CADPS: variants seen among roughly 807,000 people sequenced by gnomAD.
CADPS encodes calcium-dependent secretion activator 1.
Under a neutral mutation model 167.3 loss-of-function variants are expected in CADPS, and 57 were observed. The ratio of observed to expected loss-of-function variants is 0.34; its 90% CI spans 0.28 to 0.42. The LOEUF (loss-of-function observed/expected upper bound fraction) is 0.42. Among genes scored for constraint, CADPS ranks in the 20% least tolerant of loss-of-function variants. CADPS has a pLI of 1.00. For synonymous variants in CADPS, 676 were observed against 635.3 expected (o/e 1.06, Z -0.96); for missense variants, 1,414 against 1,738.1 (o/e 0.81, Z 3.32).
intron 1 of CADPS, among the ~76,000 whole-genome samples, chr3:62,832,718 TC>T (rs2075298268): frequency 6.6e-6 from 1 of 152,216 alleles, no homozygotes; most frequent in Admixed American, 6.5e-5. Context: ...CTTTGCTTAG[TC>T]CATATCTATA....
intron 3 of CADPS, among the ~76,000 whole-genome samples, chr3:62,670,823 T>C (rs553594455): frequency 2.0e-5 from 3 of 152,328 alleles, no homozygotes; most frequent in African/African-American, 7.2e-5. Flanking sequence ...TGATGTGTCA[T>C]TCAGAATTTG....
chr3:62,835,025 T>C (rs1004928756), intron 1 of CADPS, among the ~76,000 whole-genome samples: 6 of 152,234 alleles, frequency 3.9e-5, no homozygotes, highest in African/African-American at 1.4e-4. Flanking sequence ...GCAGATTCAT[T>C]GTTTGGAATA....
At chr3:62,539,711 T>C (rs1440408742) in intron 11 of CADPS, among the ~76,000 whole-genome samples, 1 of 152,188 alleles carries the variant, frequency 6.6e-6, no homozygotes, top group Non-Finnish European at 1.5e-5. Flanking sequence ...CATAAGTTTA[T>C]CTTCTCAGAA....
In CADPS at chr3:62,753,533, G is replaced by C. The variant is rs1575872189; in HGVS notation, c.796C>G (p.Leu266Val). The C allele has an allele frequency of 6.2e-7, 1 of 1,614,078 alleles. No individual in the cohort carries two copies. Among genetic ancestry groups the C allele is most frequent in the Non-Finnish European group, 8.5e-7 (1 of 1,180,008 alleles). ...ARMTASAASE[L>V]ILSKEQLYEM... is the part of the protein sequence containing the mutation. ...TAGAGTTGCTCCTTGCTCAGAATCA[G>C]CTCGGAGGCTGCGCTGGCTGTCATC... The change falls in exon 3 of 30, where the codon CTG becomes GTG. Residue 266 changes from leucine to valine, a missense_variant. By Grantham distance (32) the Leu-to-Val change is conservative. This residue lies in a region of CADPS where 522 missense variants were observed against 559.5 expected (regional missense o/e 0.93). Transcript: ENST00000383710. The surrounding 1 kb of genome is among the most constrained non-coding windows in gnomAD (Gnocchi z 4.6).
chr3:62,666,206 C>A (rs895354384), intron 3 of CADPS, among the ~76,000 whole-genome samples: 55 of 152,066 alleles, frequency 3.6e-4, no homozygotes, highest in African/African-American at 1.3e-3. Flanking sequence ...CTTTAATTAG[C>A]GGGAGTGACC....
At chr3:62,454,157 T>C (rs933611151) in intron 26 of CADPS, among the ~76,000 whole-genome samples, 1 of 152,212 alleles carries the variant, frequency 6.6e-6, no homozygotes, top group Non-Finnish European at 1.5e-5. Flanking sequence ...ATGGAACCAT[T>C]TCAGATAATG....
chr3:62,449,261 C>T lies in CADPS; in HGVS notation c.3637-3464G>A, dbSNP rs142384941. ...CAGAGGCTAGGTAGAAGGCTCTGGA[C>T]GTGTTTTTCTTTTCTTTTCTTTTCT... On this transcript the variant is annotated intron_variant, in intron 26 of 29. Coordinates refer to ENST00000383710, the MANE Select transcript of CADPS (RefSeq NM_003716.4). Among the ~76,000 whole-genome samples the T allele has an allele frequency of 6.0e-4, 92 of 152,268 alleles. No individual in the cohort carries two copies. The East Asian group carries it at 0.013, about 22-fold the overall frequency.
chr3:62,676,504 T>C (rs1277086961), intron 3 of CADPS, among the ~76,000 whole-genome samples: 1 of 152,158 alleles, frequency 6.6e-6, no homozygotes, highest in East Asian at 1.9e-4. Context: ...CTATTCATTT[T>C]ATTTCATAAA....
chr3:62,399,342 T>C lies in CADPS; in HGVS notation c.*64A>G, dbSNP rs977466209. ...ACAGAAAATTCCTAATGGGTTTAAC[T>C]AACAGACTAAGGACATGCACTGATT... On this transcript the variant is annotated 3_prime_UTR_variant, in exon 30 of 30. Transcript: ENST00000383710. The surrounding 1 kb of genome is among the most constrained non-coding windows in gnomAD (Gnocchi z 5.6). 37 of 1,501,688 alleles carry C rather than the reference T, an allele frequency of 2.5e-5. No homozygotes were observed. The Admixed American group carries it at 6.6e-4, about 27-fold the overall frequency. The allele number at this position is 1,501,688 out of a possible 1,614,324, so 93.0% of individuals were successfully genotyped here. A position where few individuals can be genotyped will look rare whatever the true frequency, so the allele number is the denominator to read the frequency against.
intron 3 of CADPS, among the ~76,000 whole-genome samples, chr3:62,741,247 G>A (rs1271716030): frequency 1.3e-5 from 2 of 152,126 alleles, no homozygotes; most frequent in Non-Finnish European, 1.5e-5. Flanking sequence ...AAATTGAGGA[G>A]GAGGGACTCC....
chr3:62,824,956 T>C (rs1402767135), intron 1 of CADPS, among the ~76,000 whole-genome samples: 1 of 152,104 alleles, frequency 6.6e-6, no homozygotes, highest in Non-Finnish European at 1.5e-5. Context: ...CAGCTTTACA[T>C]ACCAACACAC....
intron 1 of CADPS, among the ~76,000 whole-genome samples, chr3:62,850,952 G>A (rs1422732572): frequency 2.0e-5 from 3 of 150,960 alleles, no homozygotes. Context: ...ATGAATCTGG[G>A]TGCTCCTGTA....
chr3:62,854,115 C>A (rs1056962505), intron 1 of CADPS, among the ~76,000 whole-genome samples: 12 of 152,096 alleles, frequency 7.9e-5, no homozygotes, highest in African/African-American at 2.9e-4. Context: ...TTGGAATGAA[C>A]TAAAATGCAG....
rs893859413 is a variant in CADPS, at chr3:62,602,788, T to A, written c.1326-10040A>T. 2.6e-5 allele frequency among the ~76,000 whole-genome samples: 4 copies of A among 152,130 alleles called. No individual in the cohort carries two copies. The highest frequency in any genetic ancestry group is 2.6e-4 in the Admixed American group (4 of 15,272). ...CTCCAGGAGTCTGAGATCAAATGTGTCCAAACCTCAGCTTGATCTCTTCTC... is the reference window on the plus strand; with the variant it reads ...CTCCAGGAGTCTGAGATCAAATGTGACCAAACCTCAGCTTGATCTCTTCTC... On this transcript the variant is annotated intron_variant, in intron 6 of 29. Transcript: ENST00000383710. The surrounding 1 kb of genome is among the most constrained non-coding windows in gnomAD (Gnocchi z 4.4).
chr3:62,868,313 C>A (rs2082068224), intron 1 of CADPS, among the ~76,000 whole-genome samples: 1 of 151,972 alleles, frequency 6.6e-6, no homozygotes, highest in Non-Finnish European at 1.5e-5. Context: ...TGGCAAGAAC[C>A]AGACAGCTTA....
At chr3:62,687,104 C>T (rs766729418) in intron 3 of CADPS, among the ~76,000 whole-genome samples, 20 of 152,160 alleles carry the variant, frequency 1.3e-4, no homozygotes, top group Non-Finnish European at 1.9e-4. Flanking sequence ...GGCAAAACAC[C>T]GAAAGGAGAT....
intron 21 of CADPS, among the ~76,000 whole-genome samples, chr3:62,482,920 A>G (rs1032362435): frequency 6.6e-6 from 1 of 152,190 alleles, no homozygotes; most frequent in Non-Finnish European, 1.5e-5. Flanking sequence ...ACGTGATGGA[A>G]GAGAGATGGA....
At chr3:62,462,553 A>G (rs1434663139) in intron 26 of CADPS, among the ~76,000 whole-genome samples, 1 of 152,246 alleles carries the variant, frequency 6.6e-6, no homozygotes, top group Non-Finnish European at 1.5e-5. Flanking sequence ...GGGGCAGAGC[A>G]CATGGCTCAT....
intron 26 of CADPS, among the ~76,000 whole-genome samples, chr3:62,447,018 G>C (rs535783141): frequency 6.6e-6 from 1 of 152,170 alleles, no homozygotes; most frequent in Admixed American, 6.5e-5. Flanking sequence ...GATTTCCTCT[G>C]TTGCTCTTTT....
Sources: allele counts gnomAD v4.1 joint callset (sites outside exome capture counted in the v4.1 genomes callset), GRCh38; gene constraint gnomAD v4.1.1; regional missense constraint gnomAD v4.1.1; non-coding constraint Gnocchi (gnomAD v3.1); transcripts MANE v1.5; gene names NCBI Gene and HGNC (gene_info 2026-07-23, HGNC 2026-07-21).